The following RETREG1 variants were observed in gnomAD, a reference collection of about 807,000 sequenced individuals.
The protein encoded by RETREG1 is family with sequence similarity 134 member B.
A neutral mutation model predicts 54.8 loss-of-function variants in RETREG1; 44 were observed. The ratio of observed to expected loss-of-function variants is 0.80; its 90% confidence interval spans 0.63 to 1.03. The LOEUF (loss-of-function observed/expected upper bound fraction) is 1.03, where lower values mean the gene tolerates loss of function less well. RETREG1 is among the 50% of genes least tolerant of loss of function. The probability of loss-of-function intolerance (pLI) is 0.00; values close to 1 mark genes in which losing one functional copy is unlikely to be tolerated. For synonymous variants in RETREG1, 217 were observed against 238.5 expected (o/e 0.91, Z 0.83); for missense variants, 554 against 605.1 (o/e 0.92, Z 0.89).
At chr5:16,592,611 G>A (rs765039240) in intron 1 of RETREG1, among the ~76,000 whole-genome samples, 3 of 152,142 alleles carry the variant, frequency 2.0e-5, no homozygotes, top group Non-Finnish European at 4.4e-5. Context: ...TGAGTCCACT[G>A]CAGCAGCACT....
At chr5:16,541,192 A>G (rs1243337181) in intron 3 of RETREG1, among the ~76,000 whole-genome samples, 4 of 152,196 alleles carry the variant, frequency 2.6e-5, no homozygotes, top group African/African-American at 9.7e-5. Flanking sequence ...GTCTTTGGGG[A>G]AATGATTCAA....
chr5:16,611,300 T>C (rs914486979), intron 1 of RETREG1, among the ~76,000 whole-genome samples: 5 of 152,072 alleles, frequency 3.3e-5, no homozygotes, highest in African/African-American at 1.2e-4. Flanking sequence ...ATACATCTAA[T>C]GTAAATGATG....
chr5:16,478,148 A>G lies in RETREG1; in HGVS notation c.809-50T>C, dbSNP rs1353938049. On this transcript the variant is annotated intron_variant, in intron 6 of 8. Transcript: ENST00000306320. Reference sequence around the variant, plus strand: ...TTTCAGTTTCCTAGCCAACTCAGACATAGTGCATTTATTTCATTATGTATT... The same window carrying G: ...TTTCAGTTTCCTAGCCAACTCAGACGTAGTGCATTTATTTCATTATGTATT... 6 of 1,191,134 alleles carry G rather than the reference A, an allele frequency of 5.0e-6. No homozygotes were observed. In the South Asian group the frequency reaches 6.1e-5, roughly 12 times the overall value. 73.8% of individuals were successfully genotyped at this position (1,191,134 alleles called of 1,614,324 possible).
At chr5:16,595,355 G>A (rs912281369) in intron 1 of RETREG1, among the ~76,000 whole-genome samples, 1 of 152,144 alleles carries the variant, frequency 6.6e-6, no homozygotes, top group African/African-American at 2.4e-5. Flanking sequence ...TTAATTAAAA[G>A]AGGTCAACAG....
At chr5:16,519,063 A>T (rs1025343796) in intron 3 of RETREG1, among the ~76,000 whole-genome samples, 1 of 152,198 alleles carries the variant, frequency 6.6e-6, no homozygotes, top group Non-Finnish European at 1.5e-5. Context: ...CACCCAAACA[A>T]ACAAAAATCA....
chr5:16,579,782 T>A (rs1004813896), intron 1 of RETREG1, among the ~76,000 whole-genome samples: 1 of 152,222 alleles, frequency 6.6e-6, no homozygotes, highest in Non-Finnish European at 1.5e-5. Flanking sequence ...TTTTGTGGCG[T>A]GATAGTACAT....
intron 6 of RETREG1, among the ~76,000 whole-genome samples, chr5:16,478,387 C>A (rs567369771): frequency 1.5e-3 from 226 of 152,256 alleles, no homozygotes; most frequent in Middle Eastern, 0.01. Flanking sequence ...CTACCCTAGA[C>A]CTACTGAATC....
chr5:16,502,869 G>A (rs2126553593), intron 3 of RETREG1, among the ~76,000 whole-genome samples: 1 of 152,322 alleles, frequency 6.6e-6, no homozygotes, highest in Middle Eastern at 3.4e-3. Context: ...TGGAGAAGCA[G>A]CAAGACGCTC....
chr5:16,512,641 T>C (rs949359279), intron 3 of RETREG1, among the ~76,000 whole-genome samples: 2 of 152,006 alleles, frequency 1.3e-5, no homozygotes, highest in African/African-American at 4.8e-5. Flanking sequence ...ACTTTCTATC[T>C]GAGACACTAG....
chr5:16,477,805 A>C lies in RETREG1; in HGVS notation c.874-17T>G. ...GAGGCTAATCTGTGTTAATATAAAT[A>C]AATACCAGCGGCACATTTTAAACTG... On this transcript the variant is annotated splice_polypyrimidine_tract_variant and intron_variant, in intron 7 of 8. Transcript: ENST00000306320. The C allele has an allele frequency of 6.2e-7, 1 of 1,613,204 alleles. No homozygotes were observed. The highest frequency in any genetic ancestry group is 1.7e-5 in the Admixed American group (1 of 59,898).
chr5:16,481,071 A>C lies in RETREG1; in HGVS notation c.608T>G (p.Val203Gly), dbSNP rs1738750059. Residue 203 changes from valine (V) to glycine (G), a missense_variant, in exon 5 of 9, where the codon GTG becomes GGG. Around this residue, in one of 4 missense-constraint regions of RETREG1, gnomAD observed 347 missense variants for 412.3 expected, o/e 0.84. Coordinates refer to ENST00000306320, the MANE Select transcript of RETREG1 (RefSeq NM_001034850.3). ...TCCCAAGATCGTAAAAAATGTGCAC[A>C]CACTACAGACCAGGAGACAAAACTG... Reference protein sequence around the residue: ...PGKFCLLVCSVCTFFTILGSY... With the variant: ...PGKFCLLVCSGCTFFTILGSY... 6.2e-7 allele frequency: 1 copy of C among 1,611,812 alleles called. No homozygotes were observed. Among genetic ancestry groups the C allele is most frequent in the Non-Finnish European group, 8.5e-7 (1 of 1,178,332 alleles).
At position 16,561,256 on chromosome 5, in the gene RETREG1, G is replaced by A. The variant is rs1741846662; in HGVS notation, c.458+4507C>T. Among the ~76,000 whole-genome samples, 1 of 152,154 alleles carries A rather than the reference G, an allele frequency of 6.6e-6. No individual in the cohort carries two copies. Among genetic ancestry groups the A allele is most frequent in the Non-Finnish European group, 1.5e-5 (1 of 68,034 alleles). ...CTCACACCTGTAATCCCAGCACTTTGGGAGGCCGAGTCGGGCGGATCATGA... is the reference window on the plus strand; with the variant it reads ...CTCACACCTGTAATCCCAGCACTTTAGGAGGCCGAGTCGGGCGGATCATGA... On this transcript the variant is annotated intron_variant, in intron 3 of 8. Transcript: ENST00000306320. The surrounding 1 kb of genome is among the most constrained non-coding windows in gnomAD (Gnocchi z 4.2).
chr5:16,528,480 G>A (rs538492930), intron 3 of RETREG1, among the ~76,000 whole-genome samples: 32 of 152,216 alleles, frequency 2.1e-4, no homozygotes, highest in South Asian at 1.2e-3. Context: ...ACCTGCCTGG[G>A]ACAGGAGTCA....
At chr5:16,570,421 CAT>C (rs1742143691) in intron 2 of RETREG1, among the ~76,000 whole-genome samples, 1 of 152,210 alleles carries the variant, frequency 6.6e-6, no homozygotes, top group Non-Finnish European at 1.5e-5. Context: ...GCCTTCCACA[CAT>C]GTCTATTCCT....
chr5:16,602,088 A>T (rs562595538), intron 1 of RETREG1, among the ~76,000 whole-genome samples: 45 of 152,158 alleles, frequency 3.0e-4, no homozygotes, highest in Admixed American at 5.9e-4. Context: ...TTTCCTCTGT[A>T]CTCTCTCAAA....
At chr5:16,480,882 G>A in intron 5 of RETREG1, 127 bp downstream of exon 5, 2 of 703,416 alleles carry the variant, frequency 2.8e-6, no homozygotes, top group Non-Finnish European at 5.2e-6. Flanking sequence ...TACAGCAGGA[G>A]ATTAAAGAAT....
Position 16,561,316 on chromosome 5 carries a change from T to G in RETREG1, c.458+4447A>C, listed in dbSNP as rs1489034716. On this transcript the variant is annotated intron_variant, in intron 3 of 8. Coordinates refer to ENST00000306320, the MANE Select transcript of RETREG1 (RefSeq NM_001034850.3). This position sits in a 1 kb window ranked among gnomAD's most constrained non-coding sequence, Gnocchi z 4.2. ...ATCAAGACCATCCTGGCTAACATGG[T>G]GAAACCCCGTCTCTACTAAAAATAC... Among the ~76,000 whole-genome samples the G allele has an allele frequency of 6.6e-6, 1 of 151,862 alleles. No homozygotes were observed. Among genetic ancestry groups the G allele is most frequent in the African/African-American group, 2.4e-5 (1 of 41,312 alleles).
At chr5:16,487,815 C>G (rs1223878718) in intron 3 of RETREG1, among the ~76,000 whole-genome samples, 1 of 152,248 alleles carries the variant, frequency 6.6e-6, no homozygotes, top group East Asian at 1.9e-4. Context: ...TAAGCAAACT[C>G]ACTTTGTCCA....
chr5:16,480,688 G>A (rs759981847), intron 5 of RETREG1, among the ~76,000 whole-genome samples: 7 of 151,946 alleles, frequency 4.6e-5, no homozygotes, highest in South Asian at 2.1e-4. Flanking sequence ...TTATTTTTTT[G>A]AGCCAAAGAA....
Sources: allele counts gnomAD v4.1 joint callset (sites outside exome capture counted in the v4.1 genomes callset), GRCh38; gene constraint gnomAD v4.1.1; regional missense constraint gnomAD v4.1.1; non-coding constraint Gnocchi (gnomAD v3.1); transcripts MANE v1.5; gene names NCBI Gene and HGNC (gene_info 2026-07-23, HGNC 2026-07-21).